The following XKR6 variants were observed in gnomAD, a reference collection of about 807,000 sequenced individuals.
The protein encoded by XKR6 is XK-related protein 6.
Under a neutral mutation model 56.7 loss-of-function variants are expected in XKR6, and 22 were observed. The ratio of observed to expected loss-of-function variants is 0.39; its 90% CI spans 0.28 to 0.55. The LOEUF is 0.55. XKR6 is among the 20% of genes least tolerant of loss of function. The probability of loss-of-function intolerance (pLI) is 0.66; values close to 1 mark genes in which losing one functional copy is unlikely to be tolerated. For synonymous variants in XKR6, 524 were observed against 387.8 expected, an observed-to-expected ratio of 1.35 and a Z score of -4.13; for missense variants, 852 against 889.0, an observed-to-expected ratio of 0.96 and a Z score of 0.53.
intron 1 of XKR6, among the ~76,000 whole-genome samples, chr8:11,172,260 C>T (rs1265961212): frequency 1.3e-5 from 2 of 151,866 alleles, no homozygotes. Flanking sequence ...ATCCCAGCTA[C>T]TCGGGAGGCT....
chr8:11,188,140 T>C (rs977932511), intron 1 of XKR6, among the ~76,000 whole-genome samples: 3 of 152,152 alleles, frequency 2.0e-5, no homozygotes, highest in African/African-American at 4.8e-5. Flanking sequence ...TAATTTGAGA[T>C]AGTGAGTTGA....
chr8:10,967,661 G>C (rs1160581988), intron 1 of XKR6, among the ~76,000 whole-genome samples: 1 of 152,236 alleles, frequency 6.6e-6, no homozygotes, highest in African/African-American at 2.4e-5. Context: ...TCCTGGAGCA[G>C]CAAGGAAACA....
intron 2 of XKR6, among the ~76,000 whole-genome samples, chr8:10,899,993 T>C (rs1221929075): frequency 6.6e-6 from 1 of 152,046 alleles, no homozygotes; most frequent in Non-Finnish European, 1.5e-5. Context: ...AAGCAAGATT[T>C]CCCCCATCAC....
intron 2 of XKR6, among the ~76,000 whole-genome samples, chr8:10,899,926 C>G (rs954021295): frequency 9.9e-5 from 15 of 152,272 alleles, no homozygotes; most frequent in African/African-American, 3.6e-4. Flanking sequence ...GAAGTCTCCC[C>G]AAATCCACCC....
intron 1 of XKR6, among the ~76,000 whole-genome samples, chr8:10,982,220 A>G (rs1797750885): frequency 6.6e-6 from 1 of 152,258 alleles, no homozygotes; most frequent in African/African-American, 2.4e-5. Context: ...ACAAAATAAA[A>G]GATAAGAGAA....
intron 1 of XKR6, among the ~76,000 whole-genome samples, chr8:10,991,390 A>G (rs1797990524): frequency 6.6e-6 from 1 of 152,144 alleles, no homozygotes; most frequent in African/African-American, 2.4e-5. Context: ...TTTGGATTCC[A>G]GTTAGCTCTT....
chr8:10,971,896 A>G (rs983192402), intron 1 of XKR6, among the ~76,000 whole-genome samples: 1 of 152,166 alleles, frequency 6.6e-6, no homozygotes, highest in Admixed American at 6.5e-5. Flanking sequence ...GGTGTCATAT[A>G]CAATAAAGGA....
At chr8:10,968,341 T>A (rs1320488960) in intron 1 of XKR6, among the ~76,000 whole-genome samples, 3 of 152,252 alleles carry the variant, frequency 2.0e-5, no homozygotes, top group Admixed American at 6.5e-5. Flanking sequence ...GAAGTTAGCA[T>A]CTTAATAAGT....
chr8:10,963,560 G>C (rs1419896167), intron 1 of XKR6, among the ~76,000 whole-genome samples: 1 of 135,882 alleles, frequency 7.4e-6, no homozygotes, highest in South Asian at 2.3e-4. Flanking sequence ...TTTTTTTTTT[G>C]AGATCGAGTC....
intron 1 of XKR6, chr8:11,067,069 G>C (rs1193921952): frequency 1.3e-5 from 2 of 152,348 alleles, no homozygotes; most frequent in Non-Finnish European, 2.9e-5. Flanking sequence ...CGACAGGGCT[G>C]TGCGACACTG....
intron 1 of XKR6, among the ~76,000 whole-genome samples, chr8:11,187,456 C>T (rs1033566440): frequency 3.3e-5 from 5 of 152,130 alleles, no homozygotes; most frequent in African/African-American, 1.2e-4. Context: ...CACATGTCTC[C>T]GGGACATGGA....
intron 1 of XKR6, among the ~76,000 whole-genome samples, chr8:11,111,008 A>ATTTT (rs58233543): frequency 3.5e-5 from 4 of 114,218 alleles, no homozygotes; most frequent in Non-Finnish European, 5.4e-5. Flanking sequence ...GGCTTTTTCT[A>ATTTT]TTTTTTTTTT....
At chr8:11,153,574 A>G (rs972740806) in intron 1 of XKR6, among the ~76,000 whole-genome samples, 1 of 152,234 alleles carries the variant, frequency 6.6e-6, no homozygotes, top group Admixed American at 6.5e-5. Context: ...CTTTTTTCAA[A>G]TATCTGAAAT....
chr8:11,144,191 AT>A (rs1800858227), intron 1 of XKR6, among the ~76,000 whole-genome samples: 1 of 148,942 alleles, frequency 6.7e-6, no homozygotes, highest in South Asian at 2.2e-4. Context: ...CGCTGTATAT[AT>A]TTATTTGATG....
intron 1 of XKR6, among the ~76,000 whole-genome samples, chr8:11,173,386 CAAAT>C (rs1007648481): frequency 6.7e-6 from 1 of 149,562 alleles, no homozygotes; most frequent in Non-Finnish European, 1.5e-5. Flanking sequence ...CACACACACA[CAAAT>C]ATATATACAT....
At chr8:10,903,730 A>C (rs1462765862) in intron 2 of XKR6, among the ~76,000 whole-genome samples, 3 of 152,144 alleles carry the variant, frequency 2.0e-5, no homozygotes. Flanking sequence ...AGGCGTCTAC[A>C]ATCCAAGGAG....
intron 1 of XKR6, among the ~76,000 whole-genome samples, chr8:11,085,708 C>T (rs967691788): frequency 6.6e-6 from 1 of 152,282 alleles, no homozygotes; most frequent in Non-Finnish European, 1.5e-5. Flanking sequence ...AGGCCTCCCA[C>T]AGGCCTCTCC....
chr8:11,011,407 G>A (rs1323153163), intron 1 of XKR6, among the ~76,000 whole-genome samples: 2 of 152,234 alleles, frequency 1.3e-5, no homozygotes, highest in African/African-American at 2.4e-5. Context: ...CACAGCGGAC[G>A]AGGCTGGAAA....
At chr8:11,066,621 G>A (rs1563114471) in intron 1 of XKR6, among the ~76,000 whole-genome samples, 1 of 152,188 alleles carries the variant, frequency 6.6e-6, no homozygotes, top group African/African-American at 2.4e-5. Flanking sequence ...CAGCTCACGA[G>A]GCCAGTCCTG....
Sources: allele counts gnomAD v4.1 joint callset (sites outside exome capture counted in the v4.1 genomes callset), GRCh38; gene constraint gnomAD v4.1.1; transcripts MANE v1.5; gene names NCBI Gene and HGNC (gene_info 2026-07-23, HGNC 2026-07-21).